Variants in GPX6 observed in about 807,000 individuals in gnomAD.
The protein encoded by GPX6 is glutathione peroxidase 6 (olfactory).
A neutral mutation model predicts 20.0 loss-of-function variants in GPX6; 21 were observed. The observed-to-expected ratio is 1.05, with a 90% CI of 0.74 to 1.51. The LOEUF is 1.51. GPX6 is among the 40% of genes most tolerant of loss of function. GPX6 has a pLI of 0.00. For synonymous variants in GPX6, 75 were observed against 98.0 expected (o/e 0.77, Z 1.38); for missense variants, 233 against 254.7 (o/e 0.91, Z 0.58).
At chr6:28,505,058 G>A (rs537158396) in intron 4 of GPX6, among the ~76,000 whole-genome samples, 3 of 152,318 alleles carry the variant, frequency 2.0e-5, no homozygotes, top group Non-Finnish European at 4.4e-5. Flanking sequence ...ACATAAAATT[G>A]ATTATAGCAC....
intron 1 of GPX6, among the ~76,000 whole-genome samples, chr6:28,513,441 G>A (rs1224461596): frequency 6.6e-6 from 1 of 152,156 alleles, no homozygotes; most frequent in Non-Finnish European, 1.5e-5. Flanking sequence ...AGGTTTGAGC[G>A]GCGGGGAACT....
chr6:28,515,778 G>A lies in GPX6; in HGVS notation c.-35C>T. Reference sequence around the variant, plus strand: ...TTTTAGACGACTCTGAGGTCCCCAGGATTTCAGCCCCTTTTGAGCCCCTGG... The same window carrying A: ...TTTTAGACGACTCTGAGGTCCCCAGAATTTCAGCCCCTTTTGAGCCCCTGG... On this transcript the variant is annotated 5_prime_UTR_variant, in exon 1 of 5. Coordinates refer to ENST00000361902, the MANE Select transcript of GPX6 (RefSeq NM_182701.1). 6.4e-7 allele frequency: 1 copy of A among 1,565,058 alleles called. No homozygotes were observed. The highest frequency in any genetic ancestry group is 1.7e-5 in the Admixed American group (1 of 59,926).
chr6:28,506,685 G>T (rs1762809264), intron 2 of GPX6, among the ~76,000 whole-genome samples: 2 of 132,594 alleles, frequency 1.5e-5, no homozygotes, highest in African/African-American at 6.5e-5. Flanking sequence ...CATCCAATGA[G>T]AACTCTTATT....
chr6:28,507,738 G>A (rs1762820493), intron 2 of GPX6, among the ~76,000 whole-genome samples: 1 of 152,068 alleles, frequency 6.6e-6, no homozygotes, highest in East Asian at 1.9e-4. Context: ...CTAATTTTTT[G>A]TAATTTTAGT....
chr6:28,512,797 C>G (rs901766765), intron 1 of GPX6, among the ~76,000 whole-genome samples: 2 of 152,100 alleles, frequency 1.3e-5, no homozygotes, highest in African/African-American at 4.8e-5. Context: ...ACGAACCCAC[C>G]GGGAGGAATG....
intron 1 of GPX6, among the ~76,000 whole-genome samples, chr6:28,512,032 G>C (rs1273140086): frequency 1.3e-5 from 2 of 152,238 alleles, no homozygotes; most frequent in Non-Finnish European, 2.9e-5. Flanking sequence ...CCGCGGGGCA[G>C]GGCTTGGGAC....
In GPX6 at chr6:28,504,491, C is replaced by T; in HGVS notation, c.467G>A (p.Cys156Tyr). The part of the protein sequence containing the change: ...QKVFTFLKNS[C>Y]PPTSDLLGSS... Reference sequence around the variant, plus strand: ...GCCCAAAAGATCAGAGGTCGGAGGGCAGGAGTTCTGGAGCAGAGATATAGA... The same window carrying T: ...GCCCAAAAGATCAGAGGTCGGAGGGTAGGAGTTCTGGAGCAGAGATATAGA... Residue 156 changes from cysteine (C) to tyrosine (Y), a missense_variant, in exon 5 of 5, where the codon TGC (cysteine) becomes TAC (tyrosine). Physicochemically the swap from Cys to Tyr is radical, Grantham distance 194 (BLOSUM62 -2). Transcript: ENST00000361902. The T allele has an allele frequency of 6.2e-7, 1 of 1,613,746 alleles. No individual in the cohort carries two copies. Among genetic ancestry groups the T allele is most frequent in the Non-Finnish European group, 8.5e-7 (1 of 1,179,886 alleles).
chr6:28,508,254 C>T (rs1762826383), intron 2 of GPX6, among the ~76,000 whole-genome samples: 1 of 152,114 alleles, frequency 6.6e-6, no homozygotes, highest in African/African-American at 2.4e-5. Flanking sequence ...TAAAATTTAC[C>T]ATATTTTTCA....
At chr6:28,505,548 T>G (rs2071966) in intron 4 of GPX6, among the ~76,000 whole-genome samples, 155 bp downstream of exon 4, 18,139 of 152,244 alleles carry the variant, frequency 0.12, 1,487 homozygotes, top group East Asian at 0.42. Flanking sequence ...TTTCCTCTAC[T>G]TAAAGCTAAA....
chr6:28,506,292 G>T lies in GPX6; in HGVS notation c.359+20C>A. 7.1e-7 allele frequency: 1 copy of T among 1,404,780 alleles called. No individual in the cohort carries two copies. Among genetic ancestry groups the T allele is most frequent in the Non-Finnish European group, 1.0e-6 (1 of 988,872 alleles). 87.0% of individuals were successfully genotyped at this position (1,404,780 alleles called of 1,614,324 possible). A position where few individuals can be genotyped will look rare whatever the true frequency, so the allele number is the denominator to read the frequency against. ...GGAAATCCCGACAGGGCATCTGCAG[G>T]GTCCCATGCAAGCACTCACTTGAGA... On this transcript the variant is annotated intron_variant, in intron 3 of 4. Transcript: ENST00000361902.
chr6:28,507,590 A>G (rs1432854697), intron 2 of GPX6, among the ~76,000 whole-genome samples: 1 of 152,228 alleles, frequency 6.6e-6, no homozygotes, highest in Non-Finnish European at 1.5e-5. Flanking sequence ...GTTTTTAGAC[A>G]GAGTCTCTCT....
At chr6:28,512,213 G>A (rs57884406) in intron 1 of GPX6, among the ~76,000 whole-genome samples, 10,670 of 152,354 alleles carry the variant, frequency 0.07, 487 homozygotes, top group African/African-American at 0.12. Context: ...GCCTGCGGCC[G>A]TGGTGCGGCA....
Position 28,505,803 on chromosome 6 carries a change from C to A in GPX6, c.360-1G>T, listed in dbSNP as rs1199557634. 6.2e-7 allele frequency: 1 copy of A among 1,612,080 alleles called. No homozygotes were observed. The highest frequency in any genetic ancestry group is 1.3e-5 in the African/African-American group (1 of 75,026). On this transcript the variant is annotated splice_acceptor_variant, in intron 3 of 4. Coordinates refer to ENST00000361902, the MANE Select transcript of GPX6 (RefSeq NM_182701.1). LOFTEE classifies it high-confidence loss of function. ...AAAGCCACTACCTGGACACACATAC[C>A]TGCAGTGAACCAAAGTTGTTCCCAG...
intron 2 of GPX6, among the ~76,000 whole-genome samples, chr6:28,508,362 C>T (rs899308178): frequency 6.6e-6 from 1 of 152,158 alleles, no homozygotes; most frequent in African/African-American, 2.4e-5. Context: ...CTATAGTAGA[C>T]ACAATTGGCA....
chr6:28,512,546 T>A (rs1296067461), intron 1 of GPX6, among the ~76,000 whole-genome samples: 1 of 152,160 alleles, frequency 6.6e-6, no homozygotes, highest in African/African-American at 2.4e-5. Flanking sequence ...AACAGACCAC[T>A]CGGCTCTCTG....
At chr6:28,512,636 C>T (rs1016048228) in intron 1 of GPX6, among the ~76,000 whole-genome samples, 1 of 152,304 alleles carries the variant, frequency 6.6e-6, no homozygotes, top group Non-Finnish European at 1.5e-5. Context: ...GTGGCAGCCC[C>T]CGTGGGTCCC....
In GPX6 at chr6:28,515,103, C is replaced by A. The variant is rs915005842; in HGVS notation, c.87+554G>T. Among the ~76,000 whole-genome samples, 4 of 152,176 alleles carry A rather than the reference C, an allele frequency of 2.6e-5. No individual in the cohort carries two copies. The South Asian group carries it at 8.3e-4, about 32-fold the overall frequency. On this transcript the variant is annotated intron_variant, in intron 1 of 4. Coordinates refer to ENST00000361902, the MANE Select transcript of GPX6 (RefSeq NM_182701.1). Reference sequence around the variant, plus strand: ...CCCTAAAATTAATATTAGTGGACAACCATATTGGCCTTATGCATTTTATTT... The same window carrying A: ...CCCTAAAATTAATATTAGTGGACAAACATATTGGCCTTATGCATTTTATTT...
At position 28,504,071 on chromosome 6, in the gene GPX6, T is replaced by C; in HGVS notation, c.*221A>G. The C allele has an allele frequency of 1.8e-6, 1 of 569,836 alleles. No homozygotes were observed. The highest frequency in any genetic ancestry group is 3.0e-5 in the East Asian group (1 of 33,280). 35.3% of individuals were successfully genotyped at this position (569,836 alleles called of 1,614,324 possible). A position where few individuals can be genotyped will look rare whatever the true frequency, so the allele number is the denominator to read the frequency against. ...CACACCATACATACACCTATGCATA[T>C]ACCAACAAATACAATTCTACATATC... On this transcript the variant is annotated 3_prime_UTR_variant, in exon 5 of 5. Coordinates refer to ENST00000361902, the MANE Select transcript of GPX6 (RefSeq NM_182701.1).
chr6:28,505,369 T>C (rs1351294481), intron 4 of GPX6, among the ~76,000 whole-genome samples: 1 of 152,214 alleles, frequency 6.6e-6, no homozygotes, highest in Non-Finnish European at 1.5e-5. Flanking sequence ...ATCATCCATG[T>C]CTGTCTCCTG....
Sources: allele counts gnomAD v4.1 joint callset (sites outside exome capture counted in the v4.1 genomes callset), GRCh38; gene constraint gnomAD v4.1.1; transcripts MANE v1.5; gene names NCBI Gene and HGNC (gene_info 2026-07-23, HGNC 2026-07-21).